Variants in RNF150 observed in about 807,000 individuals in gnomAD.
RNF150 encodes ring finger protein 150.
Under a neutral mutation model 39.3 loss-of-function variants are expected in RNF150, and 24 were observed. That is an observed-to-expected ratio of 0.61 (90% confidence interval 0.44 to 0.86). The LOEUF is 0.86. RNF150 is among the 40% of genes least tolerant of loss of function. RNF150 has a pLI of 0.00. For missense variants in RNF150, 502 were observed against 587.8 expected, an observed-to-expected ratio of 0.85 and a Z score of 1.51; for synonymous variants, 255 against 227.3, an observed-to-expected ratio of 1.12 and a Z score of -1.10.
intron 1 of RNF150, among the ~76,000 whole-genome samples, chr4:141,189,598 A>G (rs531618085): frequency 6.6e-6 from 1 of 152,222 alleles, no homozygotes; most frequent in East Asian, 1.9e-4. Context: ...TGCCCTGCTC[A>G]GTGAGGAGGA....
At position 141,132,858 on chromosome 4, in the gene RNF150, G is replaced by A; in HGVS notation, c.-50C>T. ...CGCCCCCGCGCCCTCCCTCCGTCCC[G>A]TCCCTCCTCCCCAGCCCCGGCCAAC... On this transcript the variant is annotated 5_prime_UTR_variant, in exon 1 of 7. The change creates a new upstream start codon in the 5' untranslated region. Transcript: ENST00000515673. The surrounding 1 kb of genome is among the most constrained non-coding windows in gnomAD (Gnocchi z 4.9). 6.7e-7 allele frequency: 1 copy of A among 1,489,214 alleles called. No homozygotes were observed. Among genetic ancestry groups the A allele is most frequent in the Non-Finnish European group, 9.2e-7 (1 of 1,082,700 alleles). 92.3% of individuals were successfully genotyped at this position (1,489,214 alleles called of 1,614,324 possible).
At chr4:140,923,072 C>T (rs146628783) in intron 5 of RNF150, among the ~76,000 whole-genome samples, 84,549 of 148,288 alleles carry the variant, frequency 0.57, 24,981 homozygotes, top group East Asian at 0.89. Context: ...AAGGACTTCA[C>T]GTCTAAAACA....
chr4:140,878,900 A>T (rs1729272731), intron 6 of RNF150, among the ~76,000 whole-genome samples: 2 of 152,170 alleles, frequency 1.3e-5, no homozygotes, highest in Non-Finnish European at 2.9e-5. Flanking sequence ...AGATTTAGGT[A>T]TTTAATTCAG....
chr4:140,873,791 T>A (rs1171397522), intron 6 of RNF150, among the ~76,000 whole-genome samples: 1 of 152,160 alleles, frequency 6.6e-6, no homozygotes, highest in African/African-American at 2.4e-5. Context: ...TCCTCCCACC[T>A]CAGTCTCCCA....
At chr4:140,899,474 C>T (rs1051561279) in intron 6 of RNF150, among the ~76,000 whole-genome samples, 5 of 152,186 alleles carry the variant, frequency 3.3e-5, no homozygotes, top group African/African-American at 1.2e-4. Flanking sequence ...AATTCCTAGA[C>T]ATCTAATTCT....
At chr4:141,128,591 G>T (rs1399944712) in intron 1 of RNF150, among the ~76,000 whole-genome samples, 1 of 152,124 alleles carries the variant, frequency 6.6e-6, no homozygotes, top group African/African-American at 2.4e-5. Context: ...CACTTCTGGG[G>T]CTTTTACTAC....
chr4:141,197,444 G>T (rs1728218985), intron 1 of RNF150, among the ~76,000 whole-genome samples: 1 of 151,980 alleles, frequency 6.6e-6, no homozygotes, highest in South Asian at 2.1e-4. Flanking sequence ...GTTTTTATTT[G>T]TAACTTATTG....
upstream of RNF150, among the ~76,000 whole-genome samples, chr4:141,136,046 A>G (rs1201552046): frequency 6.6e-6 from 1 of 152,154 alleles, no homozygotes; most frequent in Non-Finnish European, 1.5e-5. Context: ...ATTCTTTAAA[A>G]CTCTTAAACT....
intron 1 of RNF150, among the ~76,000 whole-genome samples, chr4:141,117,631 A>G (rs1303640851): frequency 6.6e-6 from 1 of 152,248 alleles, no homozygotes; most frequent in Admixed American, 6.5e-5. Context: ...CATTTCTCAG[A>G]ATATGTCCAC....
At chr4:141,063,208 G>A (rs1024444845) in intron 1 of RNF150, among the ~76,000 whole-genome samples, 10 of 152,138 alleles carry the variant, frequency 6.6e-5, no homozygotes, top group South Asian at 6.2e-4. Flanking sequence ...TATGAAATGC[G>A]TTTAGCAACT....
intron 1 of RNF150, among the ~76,000 whole-genome samples, chr4:141,006,001 G>A (rs1312855167): frequency 1.5e-5 from 2 of 129,678 alleles, no homozygotes; most frequent in African/African-American, 2.9e-5. Context: ...CCCGGGAGGC[G>A]GAGTTTGCAG....
chr4:141,195,576 A>G lies in RNF150; in HGVS notation c.-6+17218T>C, dbSNP rs547393119. 2.0e-5 allele frequency among the ~76,000 whole-genome samples: 3 copies of G among 152,296 alleles called. No individual in the cohort carries two copies. In the East Asian group the frequency reaches 5.8e-4, roughly 29 times the overall value. ...GGATGTTGTTATGGTAGAAAGCATC[A>G]GTAATCTGCAAAATGACCTACTTTC... On this transcript the variant is annotated intron_variant, in intron 1 of 7. Transcript: ENST00000420921.
intron 1 of RNF150, among the ~76,000 whole-genome samples, chr4:141,093,634 T>G (rs1046977883): frequency 6.6e-6 from 1 of 152,116 alleles, no homozygotes; most frequent in African/African-American, 2.4e-5. Flanking sequence ...TTTAAAGTGG[T>G]CCTGGGTAGT....
At chr4:141,027,056 T>C (rs1021221170) in intron 1 of RNF150, among the ~76,000 whole-genome samples, 1 of 152,180 alleles carries the variant, frequency 6.6e-6, no homozygotes, top group African/African-American at 2.4e-5. Context: ...GCCTGGTCGA[T>C]GCCTTCTCCC....
intron 1 of RNF150, among the ~76,000 whole-genome samples, chr4:141,091,268 G>C (rs1283119402): frequency 6.6e-6 from 1 of 152,168 alleles, no homozygotes; most frequent in African/African-American, 2.4e-5. Flanking sequence ...GATTAAATGA[G>C]TTAATGAGCT....
At chr4:141,004,216 G>A (rs143950312) in intron 1 of RNF150, among the ~76,000 whole-genome samples, 70 of 141,818 alleles carry the variant, frequency 4.9e-4, no homozygotes, top group Admixed American at 1.6e-3. Flanking sequence ...TTAGTGGGAA[G>A]AACAGATGTT....
intron 1 of RNF150, among the ~76,000 whole-genome samples, chr4:140,977,883 C>A (rs1733721206): frequency 6.6e-6 from 1 of 152,092 alleles, no homozygotes; most frequent in South Asian, 2.1e-4. Context: ...CCATATGGCT[C>A]CAAAGTGTGT....
intron 1 of RNF150, among the ~76,000 whole-genome samples, chr4:141,054,794 A>ACG (rs1736907181): frequency 6.6e-6 from 1 of 152,190 alleles, no homozygotes; most frequent in African/African-American, 2.4e-5. Context: ...AAATGTGAGC[A>ACG]AGACATGGCT....
chr4:141,162,255 T>A, intron 1 of RNF150, among the ~76,000 whole-genome samples: 1 of 152,154 alleles, frequency 6.6e-6, no homozygotes, highest in East Asian at 1.9e-4. Flanking sequence ...GGAGATTATT[T>A]TGGATCTTTA....
Sources: allele counts gnomAD v4.1 joint callset (sites outside exome capture counted in the v4.1 genomes callset), GRCh38; gene constraint gnomAD v4.1.1; non-coding constraint Gnocchi (gnomAD v3.1); transcripts MANE v1.5; gene names NCBI Gene and HGNC (gene_info 2026-07-23, HGNC 2026-07-21).